The following ADCY5 variants were observed in gnomAD, a reference collection of about 807,000 sequenced individuals.
ADCY5 encodes the protein adenylate cyclase 5.
In ADCY5, 30 loss-of-function variants were observed where a neutral mutation model predicts 119.7. The observed-to-expected ratio is 0.25, with a 90% CI of 0.19 to 0.34. ADCY5 has a LOEUF of 0.34. Ranked by LOEUF, ADCY5 falls within the 10% of genes least tolerant of loss-of-function variation. The pLI is 1.00. For missense variants in ADCY5, 1,324 were observed against 1,775.2 expected (o/e 0.75, Z 4.57); for synonymous variants, 753 against 762.2 (o/e 0.99, Z 0.20).
rs182352038 is a variant in ADCY5 at position 123,437,682 on chromosome 3, C to T, written c.1134+9730G>A. On this transcript the variant is annotated intron_variant, in intron 1 of 20. Coordinates refer to ENST00000462833, the MANE Select transcript of ADCY5 (RefSeq NM_183357.3). ...CATCAATATACTTTATGAGCTTCCT[C>T]CTTTTGGAGAGTGGGGATGGGAAAG... Among the ~76,000 whole-genome samples, 228 of 152,258 alleles carry T rather than the reference C, an allele frequency of 1.5e-3. 2 individuals carry two copies. The highest frequency in any genetic ancestry group is 3.4e-3 in the Admixed American group (52 of 15,278).
At position 123,284,520 on chromosome 3, in the gene ADCY5, C is replaced by A; in HGVS notation, c.*88G>T. 6.4e-7 allele frequency: 1 copy of A among 1,569,082 alleles called. No individual in the cohort carries two copies. The stretch of plus-strand genomic sequence containing the variant: ...AGCAGCGCAGCCCTGCGGGCTGGAG[C>A]ATGGCTTCCCCGCCACCCCCGGCAC... On this transcript the variant is annotated 3_prime_UTR_variant, in exon 21 of 21. Transcript: ENST00000462833.
intron 1 of ADCY5, among the ~76,000 whole-genome samples, chr3:123,408,687 C>G (rs1944968225): frequency 6.8e-6 from 1 of 147,304 alleles, no homozygotes; most frequent in Non-Finnish European, 1.5e-5. Flanking sequence ...AAAGTTCTAG[C>G]TGTACTCGGC....
rs111426661 is a variant in ADCY5 at position 123,393,200 on chromosome 3, A to C, written c.1135-40619T>G. 3.5e-3 allele frequency among the ~76,000 whole-genome samples: 529 copies of C among 152,290 alleles called. 1 individual carries two copies. The highest frequency in any genetic ancestry group is 0.012 in the African/African-American group (496 of 41,554). On this transcript the variant is annotated intron_variant, in intron 1 of 20. Transcript: ENST00000462833. ...CCTTGGTTCAAGCCCTCTCACTCAG[A>C]ACTCTGCAGCCTTGGGTTCATTAAA...
chr3:123,435,310 A>C (rs1945588204), intron 1 of ADCY5, among the ~76,000 whole-genome samples: 2 of 152,156 alleles, frequency 1.3e-5, no homozygotes. Flanking sequence ...TACGTAAGGC[A>C]GCACTGACTT....
At position 123,309,706 on chromosome 3, in the gene ADCY5, A is replaced by C. The variant is rs1207840910; in HGVS notation, c.2442+4529T>G. The stretch of plus-strand genomic sequence containing the variant: ...TGGAACGAAGACCTCTCCATCTCCT[A>C]AATGAATGACGTGTATGATGAGATG... On this transcript the variant is annotated intron_variant, in intron 12 of 20. Transcript: ENST00000462833. Among the ~76,000 whole-genome samples, 4 of 152,196 alleles carry C rather than the reference A, an allele frequency of 2.6e-5. No homozygotes were observed. The East Asian group carries it at 7.7e-4, about 29-fold the overall frequency.
At position 123,303,097 on chromosome 3, in the gene ADCY5, C is replaced by T; in HGVS notation, c.2682G>A (p.Gln894=). 6.2e-7 allele frequency: 1 copy of T among 1,613,870 alleles called. No homozygotes were observed. Among genetic ancestry groups the T allele is most frequent in the African/African-American group, 1.3e-5 (1 of 75,066 alleles). ...SAVNYSLGDE[Q]GFCGSPWPNC... ...TGGGCCAGGGGCTGCCACAGAAGCC[C>T]TGCTCATCGCCCAGGCTGTAGTTGA... The change falls in exon 14 of 21, where the codon CAG becomes CAA. Residue 894 remains glutamine (Q), a synonymous_variant. Transcript: ENST00000462833.
chr3:123,297,282 C>A (rs1939576633), intron 16 of ADCY5, 71 bp downstream of exon 16: 2 of 1,577,856 alleles, frequency 1.3e-6, no homozygotes, highest in Admixed American at 1.7e-5. Flanking sequence ...CCCACCTGGG[C>A]ACCAGCTGCC....
At chr3:123,355,642 A>AG (rs1383737723) in intron 1 of ADCY5, among the ~76,000 whole-genome samples, 1 of 151,992 alleles carries the variant, frequency 6.6e-6, no homozygotes, top group Admixed American at 6.5e-5. Flanking sequence ...GAAATCTAAA[A>AG]AAAAAAAAAC....
chr3:123,349,065 C>T (rs1942708639), intron 2 of ADCY5, among the ~76,000 whole-genome samples: 2 of 152,176 alleles, frequency 1.3e-5, no homozygotes, highest in South Asian at 4.1e-4. Context: ...ATAGAGGTGG[C>T]TATATCAGCC....
chr3:123,339,425 A>G (rs1004715447), intron 3 of ADCY5, among the ~76,000 whole-genome samples: 2 of 152,090 alleles, frequency 1.3e-5, no homozygotes, highest in Non-Finnish European at 2.9e-5. Context: ...AAAAGATGAG[A>G]GAGGGGCATG....
At chr3:123,362,121 T>C (rs1293281182) in intron 1 of ADCY5, among the ~76,000 whole-genome samples, 1 of 152,246 alleles carries the variant, frequency 6.6e-6, no homozygotes, top group Non-Finnish European at 1.5e-5. Context: ...AATGTTGCTG[T>C]GATGAACATT....
chr3:123,324,705 T>C (rs75280147), intron 8 of ADCY5, among the ~76,000 whole-genome samples: 7,243 of 152,160 alleles, frequency 0.048, 546 homozygotes, highest in African/African-American at 0.16. Context: ...TCCCGGTGTG[T>C]GTAGGCAGGG....
At chr3:123,285,729 C>T (rs1938704488) in intron 20 of ADCY5, among the ~76,000 whole-genome samples, 1 of 152,202 alleles carries the variant, frequency 6.6e-6, no homozygotes, top group Non-Finnish European at 1.5e-5. Context: ...GGCTGGAAGC[C>T]TTGGAAACAC....
rs570938260 is a variant in ADCY5 at position 123,301,416 on chromosome 3, C to A, written c.2725-1121G>T. Among the ~76,000 whole-genome samples, 28 of 152,266 alleles carry A rather than the reference C, an allele frequency of 1.8e-4. 1 individual carries two copies. The South Asian group carries it at 5.8e-3, about 32-fold the overall frequency. Reference sequence around the variant, plus strand: ...CAGAAGAGGGAATGAGAAGGGCATGCCCAGATGAGTCAGCTCAGAGCCCCA... The same window carrying A: ...CAGAAGAGGGAATGAGAAGGGCATGACCAGATGAGTCAGCTCAGAGCCCCA... On this transcript the variant is annotated intron_variant, in intron 14 of 20. Coordinates refer to ENST00000462833, the MANE Select transcript of ADCY5 (RefSeq NM_183357.3).
intron 1 of ADCY5, among the ~76,000 whole-genome samples, chr3:123,431,152 A>G (rs554683848): frequency 5.9e-5 from 9 of 152,308 alleles, no homozygotes; most frequent in Non-Finnish European, 2.9e-5. Flanking sequence ...ACTGGAGCAA[A>G]TTCATTCATC....
At position 123,420,336 on chromosome 3, in the gene ADCY5, T is replaced by C. The variant is rs536961958; in HGVS notation, c.1134+27076A>G. On this transcript the variant is annotated intron_variant, in intron 1 of 20. Transcript: ENST00000462833. Reference sequence around the variant, plus strand: ...CCCGCTTAGAGATCACAGTTAAGCCTCCAGGAGATGGCGAGAAGACGGGTA... The same window carrying C: ...CCCGCTTAGAGATCACAGTTAAGCCCCCAGGAGATGGCGAGAAGACGGGTA... 10 of 152,296 alleles carry C rather than the reference T, an allele frequency of 6.6e-5. No homozygotes were observed. In the East Asian group the frequency reaches 1.9e-3, roughly 29 times the overall value. 9.4% of individuals were successfully genotyped at this position (152,296 alleles called of 1,614,324 possible). A position where few individuals can be genotyped will look rare whatever the true frequency, so the allele number is the denominator to read the frequency against.
At chr3:123,341,497 C>T (rs957262817) in intron 3 of ADCY5, among the ~76,000 whole-genome samples, 2 of 151,636 alleles carry the variant, frequency 1.3e-5, no homozygotes, top group Non-Finnish European at 2.9e-5. Context: ...GGGGAGTTAG[C>T]GCTTAATGGG....
At chr3:123,408,648 T>A (rs1944966726) in intron 1 of ADCY5, among the ~76,000 whole-genome samples, 1 of 137,652 alleles carries the variant, frequency 7.3e-6, no homozygotes, top group African/African-American at 2.8e-5. Context: ...AGAGCAAGAT[T>A]GCATCTAAAA....
At position 123,448,044 on chromosome 3, in the gene ADCY5, G is replaced by T. The variant is rs1334092186; in HGVS notation, c.502C>A (p.Arg168Ser). ...VGLEERRGKGRAADELEAGAV... is the reference protein window; with the variant it reads ...VGLEERRGKGSAADELEAGAV... ...CCGGCCTCCAGCTCGTCGGCCGCGC[G>T]CCCCTTGCCCCGCCGCTCCTCCAGA... Residue 168 changes from arginine to serine, a missense_variant, in exon 1 of 21, where the codon CGC (arginine) becomes AGC (serine). Arg to Ser is a moderately radical substitution (Grantham distance 110, BLOSUM62 -1). This residue lies in a region of ADCY5 where 585 missense variants were observed against 569.9 expected (regional missense o/e 1.03). Coordinates refer to ENST00000462833, the MANE Select transcript of ADCY5 (RefSeq NM_183357.3). 4 of 1,237,766 alleles carry T rather than the reference G, an allele frequency of 3.2e-6. No homozygotes were observed. Among genetic ancestry groups the T allele is most frequent in the Non-Finnish European group, 4.0e-6 (4 of 991,260 alleles). 76.7% of individuals were successfully genotyped at this position (1,237,766 alleles called of 1,614,324 possible).
Sources: allele counts gnomAD v4.1 joint callset (sites outside exome capture counted in the v4.1 genomes callset), GRCh38; gene constraint gnomAD v4.1.1; regional missense constraint gnomAD v4.1.1; transcripts MANE v1.5; gene names NCBI Gene and HGNC (gene_info 2026-07-23, HGNC 2026-07-21).